FGF14: variants seen among roughly 807,000 people sequenced by gnomAD.
FGF14 encodes fibroblast growth factor 14, also known as fibroblast growth factor homologous factor 4.
A neutral mutation model predicts 25.5 loss-of-function variants in FGF14; 5 were observed. That is an observed-to-expected ratio of 0.20 (90% CI 0.10 to 0.41). The LOEUF (loss-of-function observed/expected upper bound fraction) is 0.41. FGF14 is among the 10% of genes least tolerant of loss of function. The probability of loss-of-function intolerance (pLI) is 1.00; values close to 1 mark genes in which losing one functional copy is unlikely to be tolerated. For synonymous variants in FGF14, 138 were observed against 118.3 expected (o/e 1.17, Z -1.08); for missense variants, 222 against 320.1 (o/e 0.69, Z 2.34).
At chr13:101,906,358 A>G (rs1429767123) in intron 1 of FGF14, among the ~76,000 whole-genome samples, 1 of 152,196 alleles carries the variant, frequency 6.6e-6, no homozygotes, top group Admixed American at 6.5e-5. Flanking sequence ...AGTTGGCCAA[A>G]TGGTAAGAGG....
At chr13:101,916,331 G>A (rs1014752223) in intron 1 of FGF14, 122 bp downstream of exon 1, 8 of 1,246,216 alleles carry the variant, frequency 6.4e-6, no homozygotes, top group South Asian at 5.0e-5. Flanking sequence ...AGAGTGCTCA[G>A]AAGGGAGGCC....
chr13:101,997,001 C>T (rs956823344), intron 1 of FGF14, among the ~76,000 whole-genome samples: 3 of 152,210 alleles, frequency 2.0e-5, no homozygotes, highest in African/African-American at 7.2e-5. Flanking sequence ...CTCACTCTCA[C>T]TTTATTTAAA....
intron 1 of FGF14, among the ~76,000 whole-genome samples, chr13:102,243,775 T>A (rs940894778): frequency 2.0e-5 from 3 of 151,694 alleles, no homozygotes; most frequent in Non-Finnish European, 2.9e-5. Flanking sequence ...AAATAGGTGG[T>A]CAGCAAGAGT....
intron 1 of FGF14, among the ~76,000 whole-genome samples, chr13:101,955,780 A>T (rs1277885110): frequency 6.6e-6 from 1 of 152,236 alleles, no homozygotes; most frequent in African/African-American, 2.4e-5. Flanking sequence ...CTCCAACATA[A>T]AAGGGAAGAG....
At chr13:102,132,238 G>C (rs991806695) in intron 1 of FGF14, among the ~76,000 whole-genome samples, 2 of 152,088 alleles carry the variant, frequency 1.3e-5, no homozygotes, top group Admixed American at 6.5e-5. Context: ...GCGGCAGAGA[G>C]AGACAACACG....
chr13:102,372,569 A>T (rs745716280), intron 1 of FGF14, among the ~76,000 whole-genome samples: 11 of 152,146 alleles, frequency 7.2e-5, no homozygotes, highest in Non-Finnish European at 1.3e-4. Flanking sequence ...ATATTCTTAA[A>T]GAGACCCATG....
At chr13:101,774,460 C>T (rs1176842925) in intron 3 of FGF14, among the ~76,000 whole-genome samples, 1 of 152,140 alleles carries the variant, frequency 6.6e-6, no homozygotes, top group African/African-American at 2.4e-5. Context: ...TGAACCAATT[C>T]ATCCATAGCA....
intron 3 of FGF14, among the ~76,000 whole-genome samples, chr13:101,807,116 C>T (rs1188512047): frequency 6.6e-6 from 1 of 152,122 alleles, no homozygotes; most frequent in East Asian, 1.9e-4. Flanking sequence ...AAAGTATTGA[C>T]TATAACCTTA....
chr13:101,975,649 G>A (rs1566520820), intron 1 of FGF14, among the ~76,000 whole-genome samples: 2 of 152,172 alleles, frequency 1.3e-5, no homozygotes, highest in South Asian at 4.1e-4. Context: ...GGTTTTAAAT[G>A]TCTGTCATCT....
At chr13:102,005,138 T>C (rs1458331886) in intron 1 of FGF14, among the ~76,000 whole-genome samples, 1 of 152,204 alleles carries the variant, frequency 6.6e-6, no homozygotes, top group African/African-American at 2.4e-5. Context: ...CTGGGATTTA[T>C]TCTGAGAAAG....
At chr13:101,993,589 G>A (rs2039020259) in intron 1 of FGF14, among the ~76,000 whole-genome samples, 1 of 152,048 alleles carries the variant, frequency 6.6e-6, no homozygotes, top group East Asian at 1.9e-4. Flanking sequence ...AATACTCGAA[G>A]GGGCTTGCAC....
chr13:102,306,465 A>C (rs1367515538), intron 1 of FGF14, among the ~76,000 whole-genome samples: 3 of 152,184 alleles, frequency 2.0e-5, no homozygotes. Context: ...AATAGGTACT[A>C]AACAGGCTGA....
rs574826526 is a variant in FGF14 at position 102,310,851 on chromosome 13, T to C, written c.208+90620A>G. Among the ~76,000 whole-genome samples, 3 of 152,104 alleles carry C rather than the reference T, an allele frequency of 2.0e-5. No individual in the cohort carries two copies. In the South Asian group the frequency reaches 6.3e-4, roughly 32 times the overall value. ...AGTTAACTAATCATTTGGGGCCAGA[T>C]TCCAGACCAGATTGTTCTCCCTTGG... On this transcript the variant is annotated intron_variant, in intron 1 of 4. Transcript: ENST00000376131.
intron 1 of FGF14, among the ~76,000 whole-genome samples, chr13:102,021,834 A>G (rs192315076): frequency 1.2e-4 from 19 of 152,188 alleles, no homozygotes; most frequent in Non-Finnish European, 2.2e-4. Flanking sequence ...CATATAAAAG[A>G]AGGAAGCAGG....
chr13:101,749,845 G>T (rs1428607143), intron 3 of FGF14, among the ~76,000 whole-genome samples: 1 of 152,080 alleles, frequency 6.6e-6, no homozygotes. Context: ...TAAAGCTGGT[G>T]TTTGCTGTGA....
In FGF14 at chr13:101,722,122, C is replaced by T. The variant is rs2035036207; in HGVS notation, c.*709G>A. 1 of 153,238 alleles carries T rather than the reference C, an allele frequency of 6.5e-6. No individual in the cohort carries two copies. The highest frequency in any genetic ancestry group is 1.5e-5 in the Non-Finnish European group (1 of 68,850). The allele number at this position is 153,238 out of a possible 1,614,324, so 9.5% of individuals were successfully genotyped here. ...GAGCCATTTCCCACCCAGGCAATGCCGACCTTGGGAGCACAGTATCTGCTA... is the reference window on the plus strand; with the variant it reads ...GAGCCATTTCCCACCCAGGCAATGCTGACCTTGGGAGCACAGTATCTGCTA... On this transcript the variant is annotated 3_prime_UTR_variant, in exon 5 of 5. Coordinates refer to ENST00000376143, the MANE Select transcript of FGF14 (RefSeq NM_004115.4).
At chr13:102,176,953 A>C (rs1373196351) in intron 1 of FGF14, among the ~76,000 whole-genome samples, 3 of 152,168 alleles carry the variant, frequency 2.0e-5, no homozygotes, top group East Asian at 1.9e-4. Context: ...TTATTAGATC[A>C]GTGCTTACCA....
intron 3 of FGF14, among the ~76,000 whole-genome samples, chr13:101,818,817 C>A (rs1040657529): frequency 6.6e-5 from 10 of 152,160 alleles, no homozygotes; most frequent in Admixed American, 6.5e-4. Context: ...TGGCAATAAT[C>A]CCTATGCAGA....
chr13:101,909,113 C>T (rs1271717291), intron 1 of FGF14, among the ~76,000 whole-genome samples: 9 of 152,128 alleles, frequency 5.9e-5, no homozygotes, highest in African/African-American at 1.7e-4. Context: ...AAGACTTAAA[C>T]TTTAGACCTA....
Sources: allele counts gnomAD v4.1 joint callset (sites outside exome capture counted in the v4.1 genomes callset), GRCh38; gene constraint gnomAD v4.1.1; transcripts MANE v1.5; gene names NCBI Gene and HGNC (gene_info 2026-07-23, HGNC 2026-07-21).